ODAD2: variants seen among roughly 807,000 people sequenced by gnomAD.
ODAD2 encodes outer dynein arm-docking complex subunit 2.
A neutral mutation model predicts 106.8 loss-of-function variants in ODAD2; 89 were observed. That is an observed-to-expected ratio of 0.83 (90% CI 0.70 to 0.99). ODAD2 has a LOEUF of 0.99. Ranked by LOEUF, ODAD2 falls within the 50% of genes least tolerant of loss-of-function variation. The pLI is 0.00. For missense variants in ODAD2, 1,168 were observed against 1,238.5 expected, an observed-to-expected ratio of 0.94 and a Z score of 0.85; for synonymous variants, 404 against 436.2, an observed-to-expected ratio of 0.93 and a Z score of 0.92.
intron 16 of ODAD2, among the ~76,000 whole-genome samples, chr10:27,933,392 G>T (rs1267501063): frequency 6.6e-6 from 1 of 152,164 alleles, no homozygotes; most frequent in Non-Finnish European, 1.5e-5. Context: ...GTATTAAAAT[G>T]GATTTTAGCA....
At chr10:27,908,331 C>T (rs963491607) in intron 16 of ODAD2, among the ~76,000 whole-genome samples, 4 of 152,158 alleles carry the variant, frequency 2.6e-5, no homozygotes, top group African/African-American at 9.7e-5. Flanking sequence ...GCAAGACTAA[C>T]ATTGCAGACT....
At position 27,824,219 on chromosome 10, in the gene ODAD2, A is replaced by T. The variant is rs992088488; in HGVS notation, c.3022-11594T>A. Among the ~76,000 whole-genome samples, 5 of 151,638 alleles carry T rather than the reference A, an allele frequency of 3.3e-5. No individual in the cohort carries two copies. In the South Asian group the frequency reaches 8.3e-4, roughly 25 times the overall value. ...ACTGTTTTCTCTTGTATCAGTCTCT[A>T]GTCTAGGAGAACATCAAATCCTGCT... On this transcript the variant is annotated intron_variant, in intron 19 of 19. Coordinates refer to ENST00000305242, the MANE Select transcript of ODAD2 (RefSeq NM_018076.5).
intron 19 of ODAD2, among the ~76,000 whole-genome samples, chr10:27,822,963 G>A (rs1272199164): frequency 2.0e-5 from 3 of 152,138 alleles, no homozygotes; most frequent in African/African-American, 7.2e-5. Context: ...CAGGAGACTC[G>A]CACATTGGGT....
intron 19 of ODAD2, among the ~76,000 whole-genome samples, chr10:27,847,448 C>T (rs1319820384): frequency 6.6e-6 from 1 of 152,196 alleles, no homozygotes; most frequent in Non-Finnish European, 1.5e-5. Flanking sequence ...CTATTTATGA[C>T]ATACCCACAG....
intron 7 of ODAD2, among the ~76,000 whole-genome samples, chr10:27,975,742 T>C (rs1020750290): frequency 2.0e-5 from 3 of 152,134 alleles, no homozygotes; most frequent in Non-Finnish European, 4.4e-5. Context: ...ACAAACAATA[T>C]TAATTCTATA....
chr10:27,937,650 T>G (rs529249684), intron 14 of ODAD2, among the ~76,000 whole-genome samples: 1 of 152,292 alleles, frequency 6.6e-6, no homozygotes, highest in South Asian at 2.1e-4. Flanking sequence ...TGGCAATTAC[T>G]CCAAGCACAC....
At chr10:27,974,460 C>G (rs1289438647) in intron 7 of ODAD2, among the ~76,000 whole-genome samples, 5 of 152,166 alleles carry the variant, frequency 3.3e-5, no homozygotes, top group Non-Finnish European at 5.9e-5. Context: ...AGCCAGTTAT[C>G]CCAGCACCAT....
At chr10:27,838,285 G>A (rs1838053763) in intron 19 of ODAD2, among the ~76,000 whole-genome samples, 1 of 152,180 alleles carries the variant, frequency 6.6e-6, no homozygotes, top group Admixed American at 6.5e-5. Flanking sequence ...TAGCATCTGT[G>A]AATAACTTCT....
At chr10:27,852,274 G>A (rs1053510931) in intron 19 of ODAD2, among the ~76,000 whole-genome samples, 2 of 152,150 alleles carry the variant, frequency 1.3e-5, no homozygotes, top group African/African-American at 4.8e-5. Context: ...AAGGTAAATA[G>A]AAAAGGCATT....
intron 16 of ODAD2, among the ~76,000 whole-genome samples, chr10:27,923,099 T>A (rs562214069): frequency 6.6e-6 from 1 of 152,202 alleles, no homozygotes; most frequent in East Asian, 1.9e-4. Context: ...GAACAAAGAC[T>A]GCAAATCTTA....
intron 16 of ODAD2, among the ~76,000 whole-genome samples, chr10:27,921,210 G>T (rs963277604): frequency 6.6e-6 from 1 of 151,232 alleles, no homozygotes; most frequent in Non-Finnish European, 1.5e-5. Context: ...TTGGAGGATC[G>T]CTTGAGCCCA....
intron 17 of ODAD2, among the ~76,000 whole-genome samples, chr10:27,887,654 T>C (rs1384689491): frequency 6.6e-6 from 1 of 151,822 alleles, no homozygotes; most frequent in Non-Finnish European, 1.5e-5. Context: ...GGAATAAAAA[T>C]AGAAATTTGC....
chr10:27,993,718 T>C (rs1346089455), intron 2 of ODAD2, among the ~76,000 whole-genome samples: 1 of 152,074 alleles, frequency 6.6e-6, no homozygotes, highest in African/African-American at 2.4e-5. Context: ...AATAGAAGAA[T>C]TAAAGAGCTT....
intron 19 of ODAD2, among the ~76,000 whole-genome samples, chr10:27,820,743 T>G (rs1190676107): frequency 6.6e-6 from 1 of 151,642 alleles, no homozygotes; most frequent in East Asian, 1.9e-4. Context: ...TGGTTAAATT[T>G]TAGCTTAACA....
intron 9 of ODAD2, among the ~76,000 whole-genome samples, chr10:27,966,833 C>T (rs1467583615): frequency 2.6e-5 from 4 of 151,790 alleles, no homozygotes; most frequent in African/African-American, 7.3e-5. Context: ...ATACTTTTCC[C>T]TATTTCTCCC....
intron 17 of ODAD2, among the ~76,000 whole-genome samples, chr10:27,871,797 G>C (rs964403745): frequency 7.9e-5 from 12 of 152,108 alleles, no homozygotes; most frequent in African/African-American, 2.7e-4. Flanking sequence ...CGTGATGCCT[G>C]CAGCTGTGTT....
intron 17 of ODAD2, among the ~76,000 whole-genome samples, chr10:27,883,609 AG>A (rs1841888121): frequency 1.3e-5 from 2 of 152,194 alleles, no homozygotes; most frequent in African/African-American, 4.8e-5. Flanking sequence ...CTTGAAAATC[AG>A]TTATTATAAA....
chr10:27,900,724 G>T (rs1227300976), intron 17 of ODAD2, among the ~76,000 whole-genome samples: 2 of 152,114 alleles, frequency 1.3e-5, no homozygotes, highest in Non-Finnish European at 1.5e-5. Context: ...GATATTGAAG[G>T]TCATCTTAGT....
intron 19 of ODAD2, among the ~76,000 whole-genome samples, chr10:27,860,285 G>A (rs1433370931): frequency 3.3e-5 from 5 of 151,880 alleles, no homozygotes; most frequent in Non-Finnish European, 7.4e-5. Flanking sequence ...GACCCTGTCT[G>A]TATACAAAAT....
Sources: allele counts gnomAD v4.1 joint callset (sites outside exome capture counted in the v4.1 genomes callset), GRCh38; gene constraint gnomAD v4.1.1; transcripts MANE v1.5; gene names NCBI Gene and HGNC (gene_info 2026-07-23, HGNC 2026-07-21).